The following PPP6R1 variants were observed in gnomAD, a reference collection of about 807,000 sequenced individuals.
PPP6R1 encodes the protein serine/threonine-protein phosphatase 6 regulatory subunit 1.
PPP6R1 carries 39 observed loss-of-function variants against 104.6 expected under a neutral mutation model. The observed-to-expected ratio is 0.37, with a 90% confidence interval of 0.29 to 0.49. The LOEUF (loss-of-function observed/expected upper bound fraction) is 0.49. Ranked by LOEUF, PPP6R1 falls within the 20% of genes least tolerant of loss-of-function variation. The probability of loss-of-function intolerance (pLI) is 0.98; values close to 1 mark genes in which losing one functional copy is unlikely to be tolerated. For synonymous variants in PPP6R1, 549 were observed against 479.0 expected, an observed-to-expected ratio of 1.15 and a Z score of -1.91; for missense variants, 1,181 against 1,155.8, an observed-to-expected ratio of 1.02 and a Z score of -0.32.
Position 55,242,180 on chromosome 19 carries a change from C to T in PPP6R1, c.831G>A (p.Glu277=), listed in dbSNP as rs764280306. The T allele has an allele frequency of 6.2e-7, 1 of 1,613,338 alleles. No individual in the cohort carries two copies. Among genetic ancestry groups the T allele is most frequent in the African/African-American group, 1.3e-5 (1 of 74,930 alleles). Residue 277 remains glutamate (E), a synonymous_variant, in exon 7 of 24, where the codon GAG becomes GAA. Coordinates refer to ENST00000412770, the MANE Select transcript of PPP6R1 (RefSeq NM_014931.4). The stretch of plus-strand genomic sequence containing the variant: ...GTATCCCTCACCTCGGCCTCCTGGG[C>T]TCCAGCAGGGTCAGCAGCACCTGGA... ...SGIQVLLTLL[E]PRRPRSESVT...
chr19:55,230,384 C>T lies in PPP6R1; in HGVS notation c.*144G>A. 7.7e-7 allele frequency: 1 copy of T among 1,297,812 alleles called. No homozygotes were observed. Among genetic ancestry groups the T allele is most frequent in the Non-Finnish European group, 1.1e-6 (1 of 938,112 alleles). 80.4% of individuals were successfully genotyped at this position (1,297,812 alleles called of 1,614,324 possible). A position where few individuals can be genotyped will look rare whatever the true frequency, so the allele number is the denominator to read the frequency against. ...TGGGTTGGGCCTGTCTCCCTGGCACCAGCCTCCTGGGGGTCCAGAGGAGAG... is the reference window on the plus strand; with the variant it reads ...TGGGTTGGGCCTGTCTCCCTGGCACTAGCCTCCTGGGGGTCCAGAGGAGAG... On this transcript the variant is annotated 3_prime_UTR_variant, in exon 24 of 24. Transcript: ENST00000412770.
intron 1 of PPP6R1, among the ~76,000 whole-genome samples, chr19:55,251,537 C>T (rs2087553475): frequency 1.3e-5 from 2 of 152,176 alleles, no homozygotes; most frequent in South Asian, 4.2e-4. Context: ...GTGTATTTTC[C>T]CCTGTGTCAA....
intron 1 of PPP6R1, among the ~76,000 whole-genome samples, chr19:55,250,391 G>A (rs2087543915): frequency 6.6e-6 from 1 of 152,190 alleles, no homozygotes; most frequent in Non-Finnish European, 1.5e-5. Flanking sequence ...CCTTGTCCCA[G>A]CACAGGGCCT....
intron 1 of PPP6R1, chr19:55,255,912 G>A (rs781267029): frequency 8.5e-5 from 13 of 152,240 alleles, no homozygotes; most frequent in Non-Finnish European, 1.9e-4. Context: ...TGTGAGCCTC[G>A]GCTCTGTGAC....
chr19:55,239,574 C>G lies in PPP6R1; in HGVS notation c.1653+20G>C. ...CACTCCAGCATAGCCCAGCACAGCCCCACATAGCCCCACGCCCACCTGCTG... is the reference window on the plus strand; with the variant it reads ...CACTCCAGCATAGCCCAGCACAGCCGCACATAGCCCCACGCCCACCTGCTG... On this transcript the variant is annotated intron_variant, in intron 14 of 23. Coordinates refer to ENST00000412770, the MANE Select transcript of PPP6R1 (RefSeq NM_014931.4). The G allele has an allele frequency of 3.7e-6, 6 of 1,609,674 alleles. No individual in the cohort carries two copies. Among genetic ancestry groups the G allele is most frequent in the Non-Finnish European group, 5.1e-6 (6 of 1,177,694 alleles).
rs1568946773 is a variant in PPP6R1 at position 55,241,198 on chromosome 19, G to A, written c.1161+41C>T. ...GAACCCTCAGCCCAGTCCAGTCCCC[G>A]CCCCAGCCCCTGAACCCCCAGCCCG... On this transcript the variant is annotated intron_variant, in intron 9 of 23. Coordinates refer to ENST00000412770, the MANE Select transcript of PPP6R1 (RefSeq NM_014931.4). This position sits in a 1 kb window ranked among gnomAD's most constrained non-coding sequence, Gnocchi z 5.4. The A allele has an allele frequency of 5.1e-5, 19 of 373,654 alleles. No individual in the cohort carries two copies. Among genetic ancestry groups the A allele is most frequent in the African/African-American group, 3.3e-4 (5 of 15,350 alleles). 23.1% of individuals were successfully genotyped at this position (373,654 alleles called of 1,614,324 possible).
chr19:55,245,201 C>G lies in PPP6R1; in HGVS notation c.553-16G>C. 6.2e-7 allele frequency: 1 copy of G among 1,611,276 alleles called. No individual in the cohort carries two copies. Among genetic ancestry groups the G allele is most frequent in the African/African-American group, 1.3e-5 (1 of 75,012 alleles). On this transcript the variant is annotated splice_polypyrimidine_tract_variant and intron_variant, in intron 4 of 23. Coordinates refer to ENST00000412770, the MANE Select transcript of PPP6R1 (RefSeq NM_014931.4). This position sits in a 1 kb window ranked among gnomAD's most constrained non-coding sequence, Gnocchi z 6.4. ...CGTTGAGCCACTGAGGGTGAGAAGG[C>G]GAGGGATGCATCGCTGTCCACCACG...
rs1227251148 is a variant in PPP6R1, at chr19:55,257,392, G to T, written c.-7+1043C>A. On this transcript the variant is annotated intron_variant, in intron 1 of 23. Coordinates refer to ENST00000412770, the MANE Select transcript of PPP6R1 (RefSeq NM_014931.4). The stretch of plus-strand genomic sequence containing the variant: ...TCCTGAAACATCTTGCCTTTCAGGC[G>T]GGTGTCTATGGTCATGTCTGTGTGT... 2.0e-5 allele frequency among the ~76,000 whole-genome samples: 3 copies of T among 152,206 alleles called. No homozygotes were observed. The East Asian group carries it at 5.8e-4, about 29-fold the overall frequency.
Position 55,241,073 on chromosome 19 carries a change from A to G in PPP6R1, c.1168T>C (p.Phe390Leu). The change falls in exon 10 of 24, where the codon TTC (phenylalanine) becomes CTC (leucine). Residue 390 changes from phenylalanine to leucine, a missense_variant. By Grantham distance (22) the Phe-to-Leu change is conservative (BLOSUM62 0). Around this residue, in one of 2 missense-constraint regions of PPP6R1, gnomAD observed 1,042 missense variants for 955.6 expected, o/e 1.09. Coordinates refer to ENST00000412770, the MANE Select transcript of PPP6R1 (RefSeq NM_014931.4). The surrounding 1 kb of genome is among the most constrained non-coding windows in gnomAD (Gnocchi z 5.4). ...LDVPNTMLDL[F>L]FHYVFNNFLH... Reference sequence around the variant, plus strand: ...AAGTTGTTGAAGACATAATGGAAGAAGAGGTCCTATGGGAGGACACAGGAT... The same window carrying G: ...AAGTTGTTGAAGACATAATGGAAGAGGAGGTCCTATGGGAGGACACAGGAT... 1 of 1,551,272 alleles carries G rather than the reference A, an allele frequency of 6.4e-7. No individual in the cohort carries two copies. Among genetic ancestry groups the G allele is most frequent in the Non-Finnish European group, 8.7e-7 (1 of 1,147,332 alleles).
Position 55,231,465 on chromosome 19 carries a change from C to G in PPP6R1, c.2404G>C (p.Gly802Arg), listed in dbSNP as rs780621892. Residue 802 changes from glycine (G) to arginine (R), a missense_variant, in exon 21 of 24, where the codon GGG (glycine) becomes CGG (arginine). By Grantham distance (125) the Gly-to-Arg change is moderately radical (BLOSUM62 -2). Coordinates refer to ENST00000412770, the MANE Select transcript of PPP6R1 (RefSeq NM_014931.4). ...CCGTGGAAGGTGGCCTGAAGGTCCC[C>G]GATGCTAACCAAGGCCTGGCAAGGG... ...SAPCQALVSI[G>R]DLQATFHGIR... 2 of 1,608,260 alleles carry G rather than the reference C, an allele frequency of 1.2e-6. No individual in the cohort carries two copies. Among genetic ancestry groups the G allele is most frequent in the Non-Finnish European group, 1.7e-6 (2 of 1,177,796 alleles).
Position 55,240,222 on chromosome 19 carries a change from C to CCT in PPP6R1, c.1361+13_1361+14insAG. On this transcript the variant is annotated intron_variant, in intron 11 of 23. Transcript: ENST00000412770. The stretch of plus-strand genomic sequence containing the variant: ...CCCCAGCCCCTGGAGACATGAAGGG[C>CCT]AGCAGGTGCTCACTGTACACGGTCG... 1 of 1,582,428 alleles carries CCT rather than the reference C, an allele frequency of 6.3e-7. No individual in the cohort carries two copies. The highest frequency in any genetic ancestry group is 8.6e-7 in the Non-Finnish European group (1 of 1,164,732).
At chr19:55,228,838 C>A, downstream of PPP6R1, 1 of 1,273,518 alleles carries the variant, frequency 7.9e-7, no homozygotes, top group Non-Finnish European at 1.1e-6. Flanking sequence ...CAAGGAGCGT[C>A]CTGTGGACTC....
rs1257725178 is a variant in PPP6R1, at chr19:55,246,919, G to A, written c.185C>T (p.Thr62Ile). The change falls in exon 2 of 24, where the codon ACC (threonine) becomes ATC (isoleucine). Residue 62 changes from threonine to isoleucine, a missense_variant. By Grantham distance (89) the Thr-to-Ile change is moderately conservative (BLOSUM62 -1). Coordinates refer to ENST00000412770, the MANE Select transcript of PPP6R1 (RefSeq NM_014931.4). ...CTCACCGCTATCTGGCGGCTCCTGG[G>A]TGACCCAGGCCACCATTGCTTGCAG... ...PHLQAMVAWVTQEPPDSGEER... is the reference protein window; with the variant it reads ...PHLQAMVAWVIQEPPDSGEER... 6.2e-7 allele frequency: 1 copy of A among 1,613,154 alleles called. No homozygotes were observed. Among genetic ancestry groups the A allele is most frequent in the Non-Finnish European group, 8.5e-7 (1 of 1,179,592 alleles).
At chr19:55,255,282 C>T (rs1042664471) in intron 1 of PPP6R1, among the ~76,000 whole-genome samples, 1 of 152,182 alleles carries the variant, frequency 6.6e-6, no homozygotes, top group Non-Finnish European at 1.5e-5. Context: ...GTCTCCTGAA[C>T]TGGCCACAGG....
rs564573348 is a variant in PPP6R1, at chr19:55,241,916, C to T, written c.845+250G>A. Among the ~76,000 whole-genome samples, 8 of 152,120 alleles carry T rather than the reference C, an allele frequency of 5.3e-5. No individual in the cohort carries two copies. Among genetic ancestry groups the T allele is most frequent in the Admixed American group, 3.3e-4 (5 of 15,294 alleles). ...CGGCCTGTGTGGTAAGGCAGGGGCA[C>T]GGGGGCCTGGGGTCCCTCCCAACAC... is the stretch of plus-strand genomic sequence containing the variant. On this transcript the variant is annotated intron_variant, in intron 7 of 23. Transcript: ENST00000412770. This position sits in a 1 kb window ranked among gnomAD's most constrained non-coding sequence, Gnocchi z 5.4.
In PPP6R1 at chr19:55,230,353, T is replaced by TG. The variant is rs1044981462; in HGVS notation, c.*174dup. ...CCAAAACTTCTCTTCTCAGTGCAAA[T>TG]GGGGGTGGGTTGGGCCTGTCTCCCT... On this transcript the variant is annotated 3_prime_UTR_variant, in exon 24 of 24. Coordinates refer to ENST00000412770, the MANE Select transcript of PPP6R1 (RefSeq NM_014931.4). 2 of 839,896 alleles carry TG rather than the reference T, an allele frequency of 2.4e-6. No homozygotes were observed. The highest frequency in any genetic ancestry group is 3.7e-6 in the Non-Finnish European group (2 of 541,850). 52.0% of individuals were successfully genotyped at this position (839,896 alleles called of 1,614,324 possible).
At chr19:55,230,992 C>G (rs1310308169) in intron 21 of PPP6R1, 108 bp from the exon 22 acceptor site, 1 of 961,904 alleles carries the variant, frequency 1.0e-6, no homozygotes, top group East Asian at 2.5e-5. Flanking sequence ...GTGTCTGCCA[C>G]CTGCCCCACG....
At position 55,246,935 on chromosome 19, in the gene PPP6R1, T is replaced by C. The variant is rs1483214528; in HGVS notation, c.169A>G (p.Met57Val). The stretch of plus-strand genomic sequence containing the variant: ...GGCTCCTGGGTGACCCAGGCCACCA[T>C]TGCTTGCAGGTGGGGTGGCTGCAGC... ...FLLQPPHLQAMVAWVTQEPPD... is the reference protein window; with the variant it reads ...FLLQPPHLQAVVAWVTQEPPD... The change falls in exon 2 of 24, where the codon ATG (methionine) becomes GTG (valine). Residue 57 changes from methionine to valine, a missense_variant. Met to Val is a conservative substitution (Grantham distance 21). This residue lies in a region of PPP6R1 where 139 missense variants were observed against 200.1 expected (regional missense o/e 0.69). Coordinates refer to ENST00000412770, the MANE Select transcript of PPP6R1 (RefSeq NM_014931.4). 4.3e-6 allele frequency: 7 copies of C among 1,613,606 alleles called. No individual in the cohort carries two copies. Among genetic ancestry groups the C allele is most frequent in the Non-Finnish European group, 5.9e-6 (7 of 1,179,818 alleles).
intron 17 of PPP6R1, among the ~76,000 whole-genome samples, chr19:55,235,373 G>C (rs929043339): frequency 6.0e-4 from 92 of 152,192 alleles, no homozygotes; most frequent in African/African-American, 2.1e-3. Flanking sequence ...ACACGAGGAA[G>C]TGAAGTGAAG....
Sources: allele counts gnomAD v4.1 joint callset (sites outside exome capture counted in the v4.1 genomes callset), GRCh38; gene constraint gnomAD v4.1.1; regional missense constraint gnomAD v4.1.1; non-coding constraint Gnocchi (gnomAD v3.1); transcripts MANE v1.5; gene names NCBI Gene and HGNC (gene_info 2026-07-23, HGNC 2026-07-21).